Variants in COL14A1 observed in about 807,000 individuals in gnomAD.
The protein encoded by COL14A1 is collagen alpha-1(XIV) chain.
In COL14A1, 136 loss-of-function variants were observed where a neutral mutation model predicts 230.3. The ratio of observed to expected loss-of-function variants is 0.59; its 90% CI spans 0.51 to 0.68. The LOEUF (loss-of-function observed/expected upper bound fraction) is 0.68. COL14A1 is among the 30% of genes least tolerant of loss of function. The pLI is 0.00. For missense variants in COL14A1, 1,976 were observed against 2,215.8 expected (o/e 0.89, Z 2.17); for synonymous variants, 792 against 784.1 (o/e 1.01, Z -0.17).
At chr8:120,214,056 T>C (rs1817683917) in intron 13 of COL14A1, 1 of 266,898 alleles carries the variant, frequency 3.7e-6, no homozygotes, top group Admixed American at 5.5e-5. Context: ...TTCGTGGCTA[T>C]GGCTGGTAAT....
At chr8:120,316,246 C>T (rs1439643987) in intron 40 of COL14A1, among the ~76,000 whole-genome samples, 1 of 152,186 alleles carries the variant, frequency 6.6e-6, no homozygotes, top group African/African-American at 2.4e-5. Flanking sequence ...CGAGTGCTCC[C>T]ATGACCTGAA....
chr8:120,206,596 G>A (rs887652789), intron 9 of COL14A1, among the ~76,000 whole-genome samples: 1 of 152,178 alleles, frequency 6.6e-6, no homozygotes, highest in Non-Finnish European at 1.5e-5. Context: ...TGATCTGCCC[G>A]CCTCGGCCTC....
At chr8:120,277,973 A>G (rs925356755) in intron 26 of COL14A1, 138 bp from the exon 27 acceptor site, 2 of 770,564 alleles carry the variant, frequency 2.6e-6, no homozygotes, top group Non-Finnish European at 3.9e-6. Context: ...TGTAACTTGT[A>G]TGAAAGAAAT....
intron 45 of COL14A1, among the ~76,000 whole-genome samples, 197 bp downstream of exon 45, chr8:120,345,760 G>A (rs1343522673): frequency 6.6e-6 from 1 of 152,180 alleles, no homozygotes; most frequent in Non-Finnish European, 1.5e-5. Context: ...GTTATCTAGA[G>A]CCATATCTAC....
chr8:120,309,254 G>A lies in COL14A1; in HGVS notation c.4402-755G>A, dbSNP rs562520033. Among the ~76,000 whole-genome samples the A allele has an allele frequency of 5.9e-5, 9 of 152,196 alleles. No homozygotes were observed. The East Asian group carries it at 7.7e-4, about 13-fold the overall frequency. ...CTGGCCAATCTAGCTGAATTTAATA[G>A]CATTATTTATAGTGTATTGATTTCT... On this transcript the variant is annotated intron_variant, in intron 36 of 47. Transcript: ENST00000297848.
At chr8:120,343,295 C>T (rs1273782889) in intron 44 of COL14A1, among the ~76,000 whole-genome samples, 3 of 152,226 alleles carry the variant, frequency 2.0e-5, no homozygotes, top group South Asian at 2.1e-4. Flanking sequence ...ACCCAGCTCT[C>T]GCCTAGCTCT....
At chr8:120,202,867 T>C (rs1260662690) in intron 8 of COL14A1, among the ~76,000 whole-genome samples, 1 of 151,582 alleles carries the variant, frequency 6.6e-6, no homozygotes, top group Non-Finnish European at 1.5e-5. Flanking sequence ...GACCAGGAAT[T>C]TTCTATTTAC....
rs1586798710 is a variant in COL14A1 at position 120,244,028 on chromosome 8, T to C, written c.2479+20T>C. ...AAACCTGTAAGTGAAGCTTTCTCCC[T>C]TTGAATACAAGCCGACTCATTAAAT... is the stretch of plus-strand genomic sequence containing the variant. On this transcript the variant is annotated intron_variant, in intron 20 of 47. Coordinates refer to ENST00000297848, the MANE Select transcript of COL14A1 (RefSeq NM_021110.4). 3.1e-6 allele frequency: 5 copies of C among 1,606,916 alleles called. No homozygotes were observed. The highest frequency in any genetic ancestry group is 3.4e-6 in the Non-Finnish European group (4 of 1,176,558).
At chr8:120,177,072 C>T (rs1174007293) in intron 5 of COL14A1, among the ~76,000 whole-genome samples, 2 of 152,124 alleles carry the variant, frequency 1.3e-5, no homozygotes, top group Non-Finnish European at 2.9e-5. Context: ...GTGCCACACA[C>T]AGCTTAGGTA....
chr8:120,208,951 C>T (rs1817533138), intron 11 of COL14A1, among the ~76,000 whole-genome samples: 1 of 152,062 alleles, frequency 6.6e-6, no homozygotes, highest in African/African-American at 2.4e-5. Context: ...AACAGAGTTC[C>T]TATTACATGC....
Position 120,279,454 on chromosome 8 carries a change from A to C in COL14A1, c.3482-481A>C, listed in dbSNP as rs562058549. On this transcript the variant is annotated intron_variant, in intron 28 of 47. Transcript: ENST00000297848. Reference sequence around the variant, plus strand: ...AGGACTGCTGTGAAGATTAAATTACATAAGTTATGGCAAATAGTAGTTCTA... The same window carrying C: ...AGGACTGCTGTGAAGATTAAATTACCTAAGTTATGGCAAATAGTAGTTCTA... Among the ~76,000 whole-genome samples the C allele has an allele frequency of 5.7e-4, 86 of 152,156 alleles. 1 individual carries two copies. Among genetic ancestry groups the C allele is most frequent in the South Asian group, 5.2e-3 (25 of 4,816 alleles).
intron 7 of COL14A1, among the ~76,000 whole-genome samples, chr8:120,198,265 A>T (rs914920357): frequency 6.6e-6 from 1 of 152,122 alleles, no homozygotes; most frequent in Non-Finnish European, 1.5e-5. Context: ...TGTTATTCAA[A>T]TATAAACAAA....
chr8:120,323,774 A>G (rs777215573), intron 40 of COL14A1, among the ~76,000 whole-genome samples: 1 of 152,012 alleles, frequency 6.6e-6, no homozygotes, highest in Non-Finnish European at 1.5e-5. Flanking sequence ...CCATTGGTCT[A>G]TGTGTCTGTT....
chr8:120,137,464 T>C (rs1028598781), intron 1 of COL14A1, among the ~76,000 whole-genome samples: 1 of 152,120 alleles, frequency 6.6e-6, no homozygotes, highest in Admixed American at 6.5e-5. Context: ...AGTATTTGCT[T>C]TTATCTTTAT....
At chr8:120,151,841 T>C (rs1815294998) in intron 2 of COL14A1, among the ~76,000 whole-genome samples, 1 of 152,130 alleles carries the variant, frequency 6.6e-6, no homozygotes, top group Non-Finnish European at 1.5e-5. Flanking sequence ...CCAATGTAAC[T>C]GCAAAAAGTT....
At chr8:120,146,994 T>A (rs1374201146) in intron 1 of COL14A1, among the ~76,000 whole-genome samples, 1 of 152,018 alleles carries the variant, frequency 6.6e-6, no homozygotes, top group Non-Finnish European at 1.5e-5. Flanking sequence ...ACATTCATTG[T>A]TTTTTCCCCT....
chr8:120,163,076 G>A (rs1815737939), intron 4 of COL14A1, among the ~76,000 whole-genome samples: 1 of 152,194 alleles, frequency 6.6e-6, no homozygotes, highest in Non-Finnish European at 1.5e-5. Context: ...TCCTCTGTAG[G>A]ATCCCCAGAA....
intron 45 of COL14A1, among the ~76,000 whole-genome samples, chr8:120,355,071 C>T (rs890502663): frequency 6.6e-6 from 1 of 152,258 alleles, no homozygotes; most frequent in East Asian, 1.9e-4. Context: ...ATCACTGAAC[C>T]GTGACAATCC....
At chr8:120,171,419 A>G (rs1315281980) in intron 5 of COL14A1, among the ~76,000 whole-genome samples, 1 of 152,198 alleles carries the variant, frequency 6.6e-6, no homozygotes, top group East Asian at 1.9e-4. Context: ...TTCCCTTCAC[A>G]GAAGATCTGT....
Sources: gnomAD v4.1 joint callset for allele counts (sites outside exome capture counted in the v4.1 genomes callset) on GRCh38, gnomAD v4.1.1 for gene constraint, MANE v1.5 for transcripts, NCBI Gene and HGNC (gene_info 2026-07-23, HGNC 2026-07-21) for gene names.